The following PCSK5 variants were observed in gnomAD, a reference collection of about 807,000 sequenced individuals.
PCSK5 encodes the protein proprotein convertase subtilisin/kexin type 5.
A neutral mutation model predicts 233.2 loss-of-function variants in PCSK5; 129 were observed. That is an observed-to-expected ratio of 0.55 (90% CI 0.48 to 0.64). The LOEUF (loss-of-function observed/expected upper bound fraction) is 0.64, where lower values mean the gene tolerates loss of function less well. PCSK5 is among the 30% of genes least tolerant of loss of function. The probability of loss-of-function intolerance (pLI) is 0.00; values close to 1 mark genes in which losing one functional copy is unlikely to be tolerated. For missense variants in PCSK5, 2,076 were observed against 2,430.1 expected (o/e 0.85, Z 3.06); for synonymous variants, 825 against 879.2 (o/e 0.94, Z 1.09).
intron 17 of PCSK5, among the ~76,000 whole-genome samples, chr9:76,186,001 C>A (rs574639844): frequency 1.3e-5 from 2 of 151,830 alleles, no homozygotes; most frequent in African/African-American, 4.8e-5. Flanking sequence ...CAGTGCATGC[C>A]GGTAGAAACA....
At chr9:76,029,155 C>T (rs17719860) in intron 5 of PCSK5, among the ~76,000 whole-genome samples, 15,429 of 152,096 alleles carry the variant, frequency 0.1, 872 homozygotes, top group Non-Finnish European at 0.12. Context: ...CCATACTTAA[C>T]GCAGGCCAGG....
At chr9:75,939,394 C>G (rs1344368434) in intron 2 of PCSK5, among the ~76,000 whole-genome samples, 2 of 152,176 alleles carry the variant, frequency 1.3e-5, no homozygotes, top group African/African-American at 4.8e-5. Flanking sequence ...TCTGAGAGAT[C>G]TAAGCTAAAT....
intron 10 of PCSK5, among the ~76,000 whole-genome samples, chr9:76,151,482 C>G (rs1823670275): frequency 6.6e-6 from 1 of 152,178 alleles, no homozygotes; most frequent in South Asian, 2.1e-4. Flanking sequence ...CTCCCCTTCC[C>G]CTGCTGACCA....
At chr9:75,950,016 A>T (rs1234570853) in intron 2 of PCSK5, among the ~76,000 whole-genome samples, 1 of 152,110 alleles carries the variant, frequency 6.6e-6, no homozygotes, top group Non-Finnish European at 1.5e-5. Context: ...TCCACACCAT[A>T]GTGGTTATTT....
chr9:75,977,947 G>A (rs1050279659), intron 2 of PCSK5, among the ~76,000 whole-genome samples: 2 of 151,812 alleles, frequency 1.3e-5, no homozygotes, highest in Non-Finnish European at 2.9e-5. Context: ...ACAGAGAAGG[G>A]GTCAATGAAA....
chr9:75,965,686 G>A (rs761359539), intron 2 of PCSK5, among the ~76,000 whole-genome samples: 13 of 152,090 alleles, frequency 8.5e-5, no homozygotes, highest in Non-Finnish European at 1.9e-4. Context: ...ATTTAATCCG[G>A]GCACCCTGTG....
intron 36 of PCSK5, among the ~76,000 whole-genome samples, chr9:76,352,611 AC>A (rs757151796): frequency 1.3e-5 from 2 of 151,832 alleles, no homozygotes; most frequent in Non-Finnish European, 2.9e-5. Flanking sequence ...CAAGCCATCC[AC>A]CCACCTCAGC....
chr9:76,211,160 G>A (rs1362930008), intron 20 of PCSK5, among the ~76,000 whole-genome samples: 1 of 152,214 alleles, frequency 6.6e-6, no homozygotes, highest in Non-Finnish European at 1.5e-5. Flanking sequence ...CTTTATGGAA[G>A]AGATTTAAGG....
chr9:76,098,212 A>G (rs1388047093), intron 8 of PCSK5, among the ~76,000 whole-genome samples: 1 of 152,194 alleles, frequency 6.6e-6, no homozygotes, highest in Non-Finnish European at 1.5e-5. Context: ...ACATGTCCCC[A>G]TCTTTCCCTA....
intron 24 of PCSK5, among the ~76,000 whole-genome samples, chr9:76,260,980 G>A (rs1273905070): frequency 6.6e-6 from 1 of 152,064 alleles, no homozygotes; most frequent in Non-Finnish European, 1.5e-5. Flanking sequence ...TTGATGCTGA[G>A]CTTTGAATTC....
chr9:76,218,583 C>T (rs1825621861), intron 20 of PCSK5, among the ~76,000 whole-genome samples: 1 of 149,394 alleles, frequency 6.7e-6, no homozygotes, highest in South Asian at 2.1e-4. Context: ...ATTAAAGAAA[C>T]AGAATCATAA....
intron 24 of PCSK5, among the ~76,000 whole-genome samples, chr9:76,280,389 T>A (rs1293932216): frequency 6.6e-6 from 1 of 152,132 alleles, no homozygotes; most frequent in Non-Finnish European, 1.5e-5. Context: ...GAGTTGCAAG[T>A]CTCTCACTTT....
intron 7 of PCSK5, among the ~76,000 whole-genome samples, chr9:76,086,339 A>C (rs1234625613): frequency 2.0e-5 from 3 of 152,210 alleles, no homozygotes; most frequent in African/African-American, 7.2e-5. Context: ...AGGAATTGAG[A>C]AACCTAGTCT....
At chr9:76,215,885 G>A (rs1043186943) in intron 20 of PCSK5, among the ~76,000 whole-genome samples, 3 of 152,072 alleles carry the variant, frequency 2.0e-5, no homozygotes, top group African/African-American at 7.2e-5. Flanking sequence ...GTTGCAGTAA[G>A]CCAAGATCAC....
At chr9:75,906,633 G>A (rs1383351136) in intron 1 of PCSK5, among the ~76,000 whole-genome samples, 1 of 152,194 alleles carries the variant, frequency 6.6e-6, no homozygotes, top group East Asian at 1.9e-4. Context: ...GAGAAGGTCA[G>A]AACAGTGTAA....
intron 20 of PCSK5, among the ~76,000 whole-genome samples, chr9:76,205,871 C>T (rs1281120676): frequency 6.6e-6 from 1 of 152,176 alleles, no homozygotes; most frequent in Non-Finnish European, 1.5e-5. Flanking sequence ...AGAGGACATA[C>T]ACCATACCCA....
At chr9:76,080,307 A>G (rs1011183341) in intron 7 of PCSK5, among the ~76,000 whole-genome samples, 6 of 152,128 alleles carry the variant, frequency 3.9e-5, no homozygotes, top group Non-Finnish European at 7.3e-5. Flanking sequence ...GGTTTTCCCT[A>G]TATACAATAT....
intron 2 of PCSK5, among the ~76,000 whole-genome samples, chr9:75,950,130 C>T (rs1433101694): frequency 7.0e-5 from 5 of 71,264 alleles, no homozygotes; most frequent in Admixed American, 2.4e-4. Flanking sequence ...GTGGGACACA[C>T]TTGTGTGTGT....
intron 37 of PCSK5, among the ~76,000 whole-genome samples, chr9:76,356,124 G>A (rs1830296775): frequency 6.6e-6 from 1 of 152,028 alleles, no homozygotes. Flanking sequence ...CTACATTCAG[G>A]GTCTGATTGC....
Sources: gnomAD v4.1 joint callset for allele counts (sites outside exome capture counted in the v4.1 genomes callset) on GRCh38, gnomAD v4.1.1 for gene constraint, MANE v1.5 for transcripts, NCBI Gene and HGNC (gene_info 2026-07-23, HGNC 2026-07-21) for gene names.